TP53INP2: variants seen among roughly 807,000 people sequenced by gnomAD.
The protein encoded by TP53INP2 is tumor protein p53-inducible nuclear protein 2.
A neutral mutation model predicts 17.1 loss-of-function variants in TP53INP2; 12 were observed. The observed-to-expected ratio is 0.70, with a 90% CI of 0.45 to 1.14. TP53INP2 has a LOEUF of 1.14. Ranked by LOEUF, TP53INP2 falls within the 50% of genes most tolerant of loss-of-function variation. The pLI is 0.00. For missense variants in TP53INP2, 342 were observed against 330.9 expected, an observed-to-expected ratio of 1.03 and a Z score of -0.26; for synonymous variants, 145 against 147.3, an observed-to-expected ratio of 0.98 and a Z score of 0.12.
Position 34,709,293 on chromosome 20 carries a change from C to A in TP53INP2, c.182C>A (p.Pro61Gln). ...GAAPAPAGRP[P>Q]PAPSLMDESW... ...GCCCCTGCCCCCGCGGGCCGCCCTCCGCCCGCGCCCTCCTTGATGGACGAG... is the reference window on the plus strand; with the variant it reads ...GCCCCTGCCCCCGCGGGCCGCCCTCAGCCCGCGCCCTCCTTGATGGACGAG... The change falls in exon 4 of 5, where the codon CCG becomes CAG. Residue 61 changes from proline to glutamine, a missense_variant. Coordinates refer to ENST00000374810, the MANE Select transcript of TP53INP2 (RefSeq NM_021202.3). This position sits in a 1 kb window ranked among gnomAD's most constrained non-coding sequence, Gnocchi z 5.4. The A allele has an allele frequency of 6.2e-7, 1 of 1,609,610 alleles. No homozygotes were observed. The highest frequency in any genetic ancestry group is 8.5e-7 in the Non-Finnish European group (1 of 1,178,088).
rs1324788083 is a variant in TP53INP2, at chr20:34,709,153, C to T, written c.125-83C>T. 10 of 1,418,474 alleles carry T rather than the reference C, an allele frequency of 7.0e-6. No individual in the cohort carries two copies. The highest frequency in any genetic ancestry group is 3.0e-5 in the Admixed American group (1 of 32,944). The allele number at this position is 1,418,474 out of a possible 1,614,324, so 87.9% of individuals were successfully genotyped here. ...ACGATGCCCTTTCTCTCCCCGCCCC[C>T]TTGTCCGGTGTGTGTGTGTGTGTGT... is the stretch of plus-strand genomic sequence containing the variant. On this transcript the variant is annotated intron_variant, in intron 3 of 4. Coordinates refer to ENST00000374810, the MANE Select transcript of TP53INP2 (RefSeq NM_021202.3). The surrounding 1 kb of genome is among the most constrained non-coding windows in gnomAD (Gnocchi z 5.4).
chr20:34,710,013 C>CT lies in TP53INP2; in HGVS notation c.414-45_414-44insT, dbSNP rs758340643. 3 of 1,276,850 alleles carry CT rather than the reference C, an allele frequency of 2.3e-6. No homozygotes were observed. The highest frequency in any genetic ancestry group is 3.1e-5 in the African/African-American group (2 of 64,820). The allele number at this position is 1,276,850 out of a possible 1,614,324, so 79.1% of individuals were successfully genotyped here. ...AGATGGCAGCGCCCTCTAGACCCCC[C>CT]GCCCAGCTTACCCGGCTTGACCGAG... On this transcript the variant is annotated intron_variant, in intron 4 of 4. Coordinates refer to ENST00000374810, the MANE Select transcript of TP53INP2 (RefSeq NM_021202.3). The surrounding 1 kb of genome is among the most constrained non-coding windows in gnomAD (Gnocchi z 4.9).
At position 34,709,193 on chromosome 20, in the gene TP53INP2, G is replaced by C. The variant is rs1988082093; in HGVS notation, c.125-43G>C. On this transcript the variant is annotated intron_variant, in intron 3 of 4. Transcript: ENST00000374810. This position sits in a 1 kb window ranked among gnomAD's most constrained non-coding sequence, Gnocchi z 5.4. ...TGTGTGTGTGTGTGTGTGCCTCCTC[G>C]CTGCTCCCCTCCTCTGCACGGCTCC... 3 of 1,505,066 alleles carry C rather than the reference G, an allele frequency of 2.0e-6. No homozygotes were observed. The highest frequency in any genetic ancestry group is 2.7e-6 in the Non-Finnish European group (3 of 1,126,492). 93.2% of individuals were successfully genotyped at this position (1,505,066 alleles called of 1,614,324 possible).
At chr20:34,708,898 T>C (rs1305552725) in intron 3 of TP53INP2, 35 bp downstream of exon 3, 3 of 1,603,806 alleles carry the variant, frequency 1.9e-6, no homozygotes, top group Non-Finnish European at 1.7e-6. Flanking sequence ...GCCTGTGAAG[T>C]CATTCTAAGG....
rs1023744094 is a variant in TP53INP2 at position 34,709,627 on chromosome 20, C to CG, written c.413+104dup. The stretch of plus-strand genomic sequence containing the variant: ...GTAGTGGGGCCAGGAGCCCGCCCCG[C>CG]GCTCGAGGGGGTAGCGGCCTTGGGA... On this transcript the variant is annotated intron_variant, in intron 4 of 4. Transcript: ENST00000374810. The surrounding 1 kb of genome is among the most constrained non-coding windows in gnomAD (Gnocchi z 5.4). The CG allele has an allele frequency of 3.4e-6, 5 of 1,449,858 alleles. No homozygotes were observed. The highest frequency in any genetic ancestry group is 4.5e-6 in the Non-Finnish European group (5 of 1,108,822). 89.8% of individuals were successfully genotyped at this position (1,449,858 alleles called of 1,614,324 possible).
At position 34,710,075 on chromosome 20, in the gene TP53INP2, G is replaced by T; in HGVS notation, c.431G>T (p.Arg144Leu). The change falls in exon 5 of 5, where the codon CGC (arginine) becomes CTC (leucine). Residue 144 changes from arginine (R) to leucine (L), a missense_variant. Coordinates refer to ENST00000374810, the MANE Select transcript of TP53INP2 (RefSeq NM_021202.3). The surrounding 1 kb of genome is among the most constrained non-coding windows in gnomAD (Gnocchi z 4.9). ...CCTCACAGGGAATTGACGCCCGCCC[G>T]CCGCGAGCCGCGGGCCGCGCGCCAC... ...DLSEGELTPA[R>L]REPRAARHAA... is the part of the protein sequence containing the mutation. 7.9e-7 allele frequency: 1 copy of T among 1,258,668 alleles called. No individual in the cohort carries two copies. Among genetic ancestry groups the T allele is most frequent in the Non-Finnish European group, 9.9e-7 (1 of 1,006,696 alleles). 78.0% of individuals were successfully genotyped at this position (1,258,668 alleles called of 1,614,324 possible).
rs755747251 is a variant in TP53INP2, at chr20:34,710,142, G to A, written c.498G>A (p.Ala166=). Residue 166 remains alanine (A), a synonymous_variant, in exon 5 of 5, where the codon GCG becomes GCA. Coordinates refer to ENST00000374810, the MANE Select transcript of TP53INP2 (RefSeq NM_021202.3). The surrounding 1 kb of genome is among the most constrained non-coding windows in gnomAD (Gnocchi z 4.9). ...CGCGGGCGGCGCTGCTGGAGAAGGC[G>A]GGCCAGGTGCGGCGGCTGCAGCGGG... ...LPARAALLEK[A]GQVRRLQRAR... 2.4e-6 allele frequency: 3 copies of A among 1,266,318 alleles called. No individual in the cohort carries two copies. Among genetic ancestry groups the A allele is most frequent in the South Asian group, 5.9e-5 (2 of 33,862 alleles). The allele number at this position is 1,266,318 out of a possible 1,614,324, so 78.4% of individuals were successfully genotyped here. A position where few individuals can be genotyped will look rare whatever the true frequency, so the allele number is the denominator to read the frequency against.
chr20:34,712,990 T>G lies in TP53INP2; in HGVS notation c.*2683T>G, dbSNP rs909936996. On this transcript the variant is annotated 3_prime_UTR_variant, in exon 5 of 5. Coordinates refer to ENST00000374810, the MANE Select transcript of TP53INP2 (RefSeq NM_021202.3). Reference sequence around the variant, plus strand: ...GTGTATGAATGCAGTTTGGTGCTGTTTTAGAGTATGCCTGCTCCCCAGCCC... The same window carrying G: ...GTGTATGAATGCAGTTTGGTGCTGTGTTAGAGTATGCCTGCTCCCCAGCCC... The G allele has an allele frequency of 1.3e-5, 2 of 152,746 alleles. No individual in the cohort carries two copies. The highest frequency in any genetic ancestry group is 3.9e-4 in the East Asian group (2 of 5,194). 9.5% of individuals were successfully genotyped at this position (152,746 alleles called of 1,614,324 possible). A position where few individuals can be genotyped will look rare whatever the true frequency, so the allele number is the denominator to read the frequency against.
chr20:34,705,637 C>T (rs563503940), intron 2 of TP53INP2, among the ~76,000 whole-genome samples, 163 bp downstream of exon 2: 1 of 152,148 alleles, frequency 6.6e-6, no homozygotes, highest in South Asian at 2.1e-4. Flanking sequence ...TTTTGCTGCT[C>T]CCTCGTCACC....
At chr20:34,708,215 G>A (rs77714825) in intron 2 of TP53INP2, among the ~76,000 whole-genome samples, 4,364 of 152,190 alleles carry the variant, frequency 0.029, 218 homozygotes, top group African/African-American at 0.1. Flanking sequence ...TGTTCCTAAA[G>A]CACCCTGTAA....
At position 34,709,206 on chromosome 20, in the gene TP53INP2, T is replaced by A. The variant is rs1178903554; in HGVS notation, c.125-30T>A. 5.9e-6 allele frequency: 9 copies of A among 1,529,374 alleles called. No individual in the cohort carries two copies. Among genetic ancestry groups the A allele is most frequent in the Admixed American group, 2.1e-5 (1 of 48,662 alleles). 94.7% of individuals were successfully genotyped at this position (1,529,374 alleles called of 1,614,324 possible). On this transcript the variant is annotated intron_variant, in intron 3 of 4. Coordinates refer to ENST00000374810, the MANE Select transcript of TP53INP2 (RefSeq NM_021202.3). The surrounding 1 kb of genome is among the most constrained non-coding windows in gnomAD (Gnocchi z 5.4). ...GTGTGCCTCCTCGCTGCTCCCCTCC[T>A]CTGCACGGCTCCCATCCCGCGCCCC... is the stretch of plus-strand genomic sequence containing the variant.
In TP53INP2 at chr20:34,709,297, C is replaced by T. The variant is rs369981396; in HGVS notation, c.186C>T (p.Pro62=). 2.2e-5 allele frequency: 36 copies of T among 1,610,792 alleles called. No homozygotes were observed. Among genetic ancestry groups the T allele is most frequent in the African/African-American group, 2.1e-4 (16 of 74,940 alleles). ...AAPAPAGRPP[P]APSLMDESWF... Reference sequence around the variant, plus strand: ...CTGCCCCCGCGGGCCGCCCTCCGCCCGCGCCCTCCTTGATGGACGAGAGCT... The same window carrying T: ...CTGCCCCCGCGGGCCGCCCTCCGCCTGCGCCCTCCTTGATGGACGAGAGCT... The change falls in exon 4 of 5, where the codon CCC becomes CCT. Residue 62 remains proline (P), a synonymous_variant. Coordinates refer to ENST00000374810, the MANE Select transcript of TP53INP2 (RefSeq NM_021202.3). This position sits in a 1 kb window ranked among gnomAD's most constrained non-coding sequence, Gnocchi z 5.4.
Position 34,709,258 on chromosome 20 carries a change from C to G in TP53INP2, c.147C>G (p.Ser49Arg). The G allele has an allele frequency of 1.3e-6, 2 of 1,579,382 alleles. No homozygotes were observed. Among genetic ancestry groups the G allele is most frequent in the Non-Finnish European group, 1.7e-6 (2 of 1,162,444 alleles). Residue 49 changes from serine to arginine, a missense_variant, in exon 4 of 5, where the codon AGC becomes AGG. Physicochemically the swap from Ser to Arg is moderately radical, Grantham distance 110 (BLOSUM62 -1). Coordinates refer to ENST00000374810, the MANE Select transcript of TP53INP2 (RefSeq NM_021202.3). This position sits in a 1 kb window ranked among gnomAD's most constrained non-coding sequence, Gnocchi z 5.4. The stretch of plus-strand genomic sequence containing the variant: ...TAGACAGCTACGCGGCTCCACCCAG[C>G]CCCGGGGCCGCCCCTGCCCCCGCGG... ...DLPDSYAAPP[S>R]PGAAPAPAGR...
Position 34,709,494 on chromosome 20 carries a change from C to T in TP53INP2, c.383C>T (p.Ala128Val). ...EPGSPSPLPDAALPDGDLSEG... is the reference protein window; with the variant it reads ...EPGSPSPLPDVALPDGDLSEG... ...GGGTCCCCTTCCCCGCTCCCGGACG[C>T]GGCCCTGCCTGACGGCGACCTCAGC... is the stretch of plus-strand genomic sequence containing the variant. The change falls in exon 4 of 5, where the codon GCG becomes GTG. Residue 128 changes from alanine (A) to valine (V), a missense_variant. Coordinates refer to ENST00000374810, the MANE Select transcript of TP53INP2 (RefSeq NM_021202.3). This position sits in a 1 kb window ranked among gnomAD's most constrained non-coding sequence, Gnocchi z 5.4. The T allele has an allele frequency of 6.2e-7, 1 of 1,611,076 alleles. No homozygotes were observed. Among genetic ancestry groups the T allele is most frequent in the Non-Finnish European group, 8.5e-7 (1 of 1,179,758 alleles).
intron 2 of TP53INP2, among the ~76,000 whole-genome samples, chr20:34,708,268 C>G (rs1248064810): frequency 6.6e-6 from 1 of 152,160 alleles, no homozygotes; most frequent in East Asian, 1.9e-4. Flanking sequence ...ACCATATGCC[C>G]AGACAGTTCT....
rs1375082377 is a variant in TP53INP2, at chr20:34,713,371, G to A, written c.*3064G>A. ...AGAATTCTGATTGTTAGACTGTAAT[G>A]CTATTCCTCTATGGGAGAAAAAAAT... On this transcript the variant is annotated 3_prime_UTR_variant, in exon 5 of 5. Transcript: ENST00000374810. 2 of 152,568 alleles carry A rather than the reference G, an allele frequency of 1.3e-5. No individual in the cohort carries two copies. Among genetic ancestry groups the A allele is most frequent in the East Asian group, 3.8e-4 (2 of 5,200 alleles). The allele number at this position is 152,568 out of a possible 1,614,324, so 9.5% of individuals were successfully genotyped here.
At chr20:34,706,740 G>A (rs1487105390) in intron 2 of TP53INP2, among the ~76,000 whole-genome samples, 1 of 152,196 alleles carries the variant, frequency 6.6e-6, no homozygotes, top group Non-Finnish European at 1.5e-5. Flanking sequence ...GGGAATGGGG[G>A]AGGTAGCAAT....
Position 34,710,540 on chromosome 20 carries a change from G to T in TP53INP2, c.*233G>T. On this transcript the variant is annotated 3_prime_UTR_variant, in exon 5 of 5. Transcript: ENST00000374810. This position sits in a 1 kb window ranked among gnomAD's most constrained non-coding sequence, Gnocchi z 4.9. ...CCATACCCAGCATCTAATCATCCAT[G>T]CCCCCTACTCCTGGCCCCTCCATCC... 1 of 390,614 alleles carries T rather than the reference G, an allele frequency of 2.6e-6. No individual in the cohort carries two copies. The highest frequency in any genetic ancestry group is 3.9e-5 in the East Asian group (1 of 25,716). The allele number at this position is 390,614 out of a possible 1,614,324, so 24.2% of individuals were successfully genotyped here. A position where few individuals can be genotyped will look rare whatever the true frequency, so the allele number is the denominator to read the frequency against.
Position 34,709,601 on chromosome 20 carries a change from G to C in TP53INP2, c.413+77G>C. 6.7e-7 allele frequency: 1 copy of C among 1,484,320 alleles called. No homozygotes were observed. Among genetic ancestry groups the C allele is most frequent in the Non-Finnish European group, 8.9e-7 (1 of 1,125,326 alleles). The allele number at this position is 1,484,320 out of a possible 1,614,324, so 91.9% of individuals were successfully genotyped here. A position where few individuals can be genotyped will look rare whatever the true frequency, so the allele number is the denominator to read the frequency against. Reference sequence around the variant, plus strand: ...GCCAGGGTCCAGGCTAGGAGGCTGGGGTAGTGGGGCCAGGAGCCCGCCCCG... The same window carrying C: ...GCCAGGGTCCAGGCTAGGAGGCTGGCGTAGTGGGGCCAGGAGCCCGCCCCG... On this transcript the variant is annotated intron_variant, in intron 4 of 4. Transcript: ENST00000374810. This position sits in a 1 kb window ranked among gnomAD's most constrained non-coding sequence, Gnocchi z 5.4.
Sources: gnomAD v4.1 joint callset for allele counts (sites outside exome capture counted in the v4.1 genomes callset) on GRCh38, gnomAD v4.1.1 for gene constraint, Gnocchi (gnomAD v3.1) non-coding constraint, MANE v1.5 for transcripts, NCBI Gene and HGNC (gene_info 2026-07-23, HGNC 2026-07-21) for gene names.